Variants in PREX2 observed in about 807,000 individuals in gnomAD.
The protein encoded by PREX2 is phosphatidylinositol-3,4,5-trisphosphate dependent Rac exchange factor 2, also known as phosphatidylinositol 3,4,5-trisphosphate-dependent Rac exchanger 2 protein.
Under a neutral mutation model 203.2 loss-of-function variants are expected in PREX2, and 107 were observed. The ratio of observed to expected loss-of-function variants is 0.53; its 90% CI spans 0.45 to 0.62. The LOEUF (loss-of-function observed/expected upper bound fraction) is 0.62, where lower values mean the gene tolerates loss of function less well. PREX2 is among the 20% of genes least tolerant of loss of function. The probability of loss-of-function intolerance (pLI) is 0.00; values close to 1 mark genes in which losing one functional copy is unlikely to be tolerated. For missense variants in PREX2, 1,777 were observed against 1,955.9 expected (o/e 0.91, Z 1.72); for synonymous variants, 672 against 663.6 (o/e 1.01, Z -0.19).
At chr8:68,171,676 G>T (rs1355701892) in intron 35 of PREX2, among the ~76,000 whole-genome samples, 1 of 152,050 alleles carries the variant, frequency 6.6e-6, no homozygotes, top group Non-Finnish European at 1.5e-5. Flanking sequence ...TCTTCCCTGA[G>T]CCCTCAGCTG....
At chr8:68,185,440 A>G (rs1342243389) in intron 35 of PREX2, among the ~76,000 whole-genome samples, 2 of 151,974 alleles carry the variant, frequency 1.3e-5, no homozygotes, top group African/African-American at 4.8e-5. Flanking sequence ...TCCCAGTTTG[A>G]CCTGTCAGAA....
intron 1 of PREX2, among the ~76,000 whole-genome samples, chr8:68,003,052 A>AT (rs1460071478): frequency 3.3e-5 from 5 of 152,272 alleles, no homozygotes; most frequent in African/African-American, 9.6e-5. Context: ...TTCAAGGGAG[A>AT]TTTTTATGCT....
intron 6 of PREX2, among the ~76,000 whole-genome samples, chr8:68,032,864 G>A (rs184863853): frequency 5.9e-5 from 9 of 152,088 alleles, no homozygotes; most frequent in African/African-American, 1.4e-4. Flanking sequence ...AGTTTTTGAC[G>A]TTAGGAGTCT....
At chr8:68,151,573 C>G (rs1029207088) in intron 34 of PREX2, among the ~76,000 whole-genome samples, 1 of 152,142 alleles carries the variant, frequency 6.6e-6, no homozygotes, top group Admixed American at 6.5e-5. Context: ...TTCTACCTCT[C>G]AGGAATGTGG....
At chr8:68,231,229 A>G in intron 39 of PREX2, 104 bp from the exon 40 acceptor site, 1 of 806,108 alleles carries the variant, frequency 1.2e-6, no homozygotes, top group Non-Finnish European at 1.8e-6. Flanking sequence ...ATCATGACTC[A>G]CGAAACAAGA....
Position 68,217,738 on chromosome 8 carries a change from G to C in PREX2, c.4707+20G>C. 1 of 1,567,608 alleles carries C rather than the reference G, an allele frequency of 6.4e-7. No individual in the cohort carries two copies. The highest frequency in any genetic ancestry group is 8.8e-7 in the Non-Finnish European group (1 of 1,139,232). ...AAGCAGGTAGGTCTCATGCAGACTT[G>C]GGAATAGTTGTTTTGTAGGCCCTGG... On this transcript the variant is annotated intron_variant, in intron 38 of 39. Coordinates refer to ENST00000288368, the MANE Select transcript of PREX2 (RefSeq NM_024870.4).
In PREX2 at chr8:68,211,235, G is replaced by A. The variant is rs140405899; in HGVS notation, c.4605-6381G>A. On this transcript the variant is annotated intron_variant, in intron 37 of 39. Coordinates refer to ENST00000288368, the MANE Select transcript of PREX2 (RefSeq NM_024870.4). ...CAAATGCCCAAATTATAGTCAGGTG[G>A]ACTCTACTTTAACTGAACTCAGTTT... Among the ~76,000 whole-genome samples, 173 of 152,248 alleles carry A rather than the reference G, an allele frequency of 1.1e-3. 2 individuals carry two copies. The Middle Eastern group carries it at 0.014, about 12-fold the overall frequency.
At chr8:68,043,129 C>T (rs1808246802) in intron 7 of PREX2, among the ~76,000 whole-genome samples, 1 of 152,104 alleles carries the variant, frequency 6.6e-6, no homozygotes, top group Admixed American at 6.6e-5. Context: ...CTGCATTCCT[C>T]TCTATAGTCA....
Position 68,231,564 on chromosome 8 carries a change from G to A in PREX2, c.*186G>A. On this transcript the variant is annotated 3_prime_UTR_variant, in exon 40 of 40. Coordinates refer to ENST00000288368, the MANE Select transcript of PREX2 (RefSeq NM_024870.4). Reference sequence around the variant, plus strand: ...ATACTTTGATATTTATGCTGGAAATGGATAGAAGTTCAATCAGACAGTTCA... The same window carrying A: ...ATACTTTGATATTTATGCTGGAAATAGATAGAAGTTCAATCAGACAGTTCA... 2 of 432,282 alleles carry A rather than the reference G, an allele frequency of 4.6e-6. No homozygotes were observed. The highest frequency in any genetic ancestry group is 8.0e-6 in the Non-Finnish European group (2 of 249,076). 26.8% of individuals were successfully genotyped at this position (432,282 alleles called of 1,614,324 possible).
intron 35 of PREX2, among the ~76,000 whole-genome samples, chr8:68,163,349 C>T (rs757258294): frequency 6.6e-6 from 1 of 152,106 alleles, no homozygotes; most frequent in Non-Finnish European, 1.5e-5. Flanking sequence ...TTTAGAGAAA[C>T]AGGGTAGCAA....
chr8:68,168,549 CCTT>C (rs1811807947), intron 35 of PREX2, among the ~76,000 whole-genome samples: 1 of 152,184 alleles, frequency 6.6e-6, no homozygotes, highest in South Asian at 2.1e-4. Flanking sequence ...TGTATATCCT[CCTT>C]GTTGTGTATT....
At chr8:68,176,275 G>A (rs1451893546) in intron 35 of PREX2, among the ~76,000 whole-genome samples, 1 of 152,146 alleles carries the variant, frequency 6.6e-6, no homozygotes, top group Non-Finnish European at 1.5e-5. Flanking sequence ...GACATTCATT[G>A]CATATCTTCT....
intron 21 of PREX2, among the ~76,000 whole-genome samples, chr8:68,095,344 C>T (rs1191624878): frequency 1.3e-5 from 2 of 152,144 alleles, no homozygotes; most frequent in Non-Finnish European, 2.9e-5. Context: ...AGCCCCCATC[C>T]TGACACTAGC....
At position 68,071,632 on chromosome 8, in the gene PREX2, T is replaced by C. The variant is rs144496989; in HGVS notation, c.1494-863T>C. Among the ~76,000 whole-genome samples, 1,290 of 152,292 alleles carry C rather than the reference T, an allele frequency of 8.5e-3. 7 individuals are homozygous for C. Among genetic ancestry groups the C allele is most frequent in the Non-Finnish European group, 0.014 (962 of 68,006 alleles). ...TTCAGTTCTGATCATGAAATTTGGT[T>C]GGTATCCAACAGAACTTTGAATGGT... On this transcript the variant is annotated intron_variant, in intron 13 of 39. Transcript: ENST00000288368.
intron 33 of PREX2, among the ~76,000 whole-genome samples, chr8:68,139,325 A>T (rs1390021952): frequency 6.6e-6 from 1 of 152,092 alleles, no homozygotes. Flanking sequence ...GCGATATCGG[A>T]GGAGCAGTGT....
Position 68,155,870 on chromosome 8 carries a change from A to G in PREX2, c.4232-1452A>G, listed in dbSNP as rs563263909. ...AAATGTTATTAAAAAGGAAATTTAT[A>G]TGCTTTTCAAAATACATTTAAAATT... On this transcript the variant is annotated intron_variant, in intron 34 of 39. Transcript: ENST00000288368. Among the ~76,000 whole-genome samples the G allele has an allele frequency of 5.3e-5, 8 of 152,342 alleles. No individual in the cohort carries two copies. The East Asian group carries it at 5.8e-4, about 11-fold the overall frequency.
At chr8:68,004,008 A>G (rs946782659) in intron 1 of PREX2, among the ~76,000 whole-genome samples, 1 of 151,536 alleles carries the variant, frequency 6.6e-6, no homozygotes, top group Middle Eastern at 3.2e-3. Context: ...GGCACGTGCC[A>G]CTACACCTGG....
intron 37 of PREX2, among the ~76,000 whole-genome samples, chr8:68,206,512 G>A (rs1812629348): frequency 6.6e-6 from 1 of 152,090 alleles, no homozygotes; most frequent in Non-Finnish European, 1.5e-5. Context: ...AAATACAAAA[G>A]TTACCTCTTC....
At chr8:68,039,980 C>A (rs1219856375) in intron 7 of PREX2, among the ~76,000 whole-genome samples, 1 of 152,122 alleles carries the variant, frequency 6.6e-6, no homozygotes, top group Non-Finnish European at 1.5e-5. Flanking sequence ...CATGTTGTCA[C>A]CTTGCTCAAA....
Sources: allele counts gnomAD v4.1 joint callset (sites outside exome capture counted in the v4.1 genomes callset), GRCh38; gene constraint gnomAD v4.1.1; transcripts MANE v1.5; gene names NCBI Gene and HGNC (gene_info 2026-07-23, HGNC 2026-07-21).